The following MAP3K20 variants were observed in gnomAD, a reference collection of about 807,000 sequenced individuals.
The protein encoded by MAP3K20 is mitogen-activated protein kinase kinase kinase 20.
In MAP3K20, 40 loss-of-function variants were observed where a neutral mutation model predicts 85.7. That is an observed-to-expected ratio of 0.47 (90% CI 0.36 to 0.61). MAP3K20 has a LOEUF of 0.61. Among genes scored for constraint, MAP3K20 ranks in the 20% least tolerant of loss-of-function variants. The pLI is 0.00. For missense variants in MAP3K20, 817 were observed against 961.7 expected (o/e 0.85, Z 1.99); for synonymous variants, 325 against 327.7 (o/e 0.99, Z 0.09).
At chr2:173,202,940 AAGTTAG>A (rs1645411637) in intron 8 of MAP3K20, among the ~76,000 whole-genome samples, 1 of 152,228 alleles carries the variant, frequency 6.6e-6, no homozygotes. Flanking sequence ...GTTTATTTGT[AAGTTAG>A]AGTTAGATTC....
intron 2 of MAP3K20, among the ~76,000 whole-genome samples, chr2:173,134,428 A>ATATATATATT (rs56330241): frequency 3.2e-4 from 1 of 3,158 alleles, no homozygotes; most frequent in African/African-American, 1.0e-3. Context: ...ATATATATAT[A>ATATATATATT]TTTTTTTTTT....
intron 2 of MAP3K20, among the ~76,000 whole-genome samples, chr2:173,100,779 C>A (rs984547205): frequency 6.6e-6 from 1 of 152,192 alleles, no homozygotes; most frequent in African/African-American, 2.4e-5. Context: ...CTGTGCAGTG[C>A]TTTAACATTG....
chr2:173,082,796 C>T (rs150572911), intron 1 of MAP3K20, among the ~76,000 whole-genome samples: 1,829 of 152,354 alleles, frequency 0.012, 23 homozygotes, highest in Middle Eastern at 0.024. Context: ...CACGCAGCGG[C>T]CTATGCCGTG....
At chr2:173,114,337 C>G (rs761406513) in intron 2 of MAP3K20, among the ~76,000 whole-genome samples, 17 of 152,280 alleles carry the variant, frequency 1.1e-4, no homozygotes, top group Middle Eastern at 3.4e-3. Context: ...CTTATCCATT[C>G]TGCAGTTCTG....
At chr2:173,247,572 A>G (rs1012585186) in intron 16 of MAP3K20, among the ~76,000 whole-genome samples, 1 of 152,232 alleles carries the variant, frequency 6.6e-6, no homozygotes, top group African/African-American at 2.4e-5. Context: ...GTATGCACAC[A>G]TGAATTTGTG....
intron 1 of MAP3K20, among the ~76,000 whole-genome samples, chr2:173,090,048 G>C (rs1437942218): frequency 6.6e-6 from 1 of 152,200 alleles, no homozygotes; most frequent in Non-Finnish European, 1.5e-5. Flanking sequence ...TGCAAGAATA[G>C]TATAAACCAC....
chr2:173,197,977 A>G (rs1329016948), intron 7 of MAP3K20, 49 bp from the exon 8 acceptor site: 1 of 1,555,738 alleles, frequency 6.4e-7, no homozygotes, highest in Admixed American at 1.8e-5. Context: ...AATATGTACC[A>G]AAAAATATAA....
chr2:173,247,856 G>A (rs1250838115), intron 16 of MAP3K20, among the ~76,000 whole-genome samples: 1 of 152,190 alleles, frequency 6.6e-6, no homozygotes, highest in Non-Finnish European at 1.5e-5. Context: ...ACATGAGGGT[G>A]AGAAAGTTTC....
At chr2:173,226,434 C>T (rs1314129773) in intron 11 of MAP3K20, 1 of 985,370 alleles carries the variant, frequency 1.0e-6, no homozygotes, top group Non-Finnish European at 1.2e-6. Context: ...TAATCAGGCA[C>T]CTTTTGCTGC....
At chr2:173,182,388 A>G (rs949600029) in intron 3 of MAP3K20, among the ~76,000 whole-genome samples, 1 of 152,196 alleles carries the variant, frequency 6.6e-6, no homozygotes, top group Admixed American at 6.5e-5. Flanking sequence ...CTTCATTTTT[A>G]AAGGATTTTT....
At position 173,229,739 on chromosome 2, in the gene MAP3K20, C is replaced by CTCTT. The variant is rs1684478330; in HGVS notation, c.1032+8_1032+11dup. The CTCTT allele has an allele frequency of 6.2e-7, 1 of 1,613,888 alleles. No homozygotes were observed. The highest frequency in any genetic ancestry group is 1.3e-5 in the African/African-American group (1 of 74,884). On this transcript the variant is annotated splice_region_variant and intron_variant, in intron 12 of 19. Transcript: ENST00000375213. Reference sequence around the variant, plus strand: ...CATGGACGGAAGACGATGTGGTAAGCTCTTTGTATTCATGCCTTATTTGAC... The same window carrying CTCTT: ...CATGGACGGAAGACGATGTGGTAAGCTCTTTCTTTGTATTCATGCCTTATTTGAC...
intron 2 of MAP3K20, among the ~76,000 whole-genome samples, chr2:173,140,357 T>A (rs1405481645): frequency 6.7e-6 from 1 of 150,282 alleles, no homozygotes; most frequent in Non-Finnish European, 1.5e-5. Context: ...CTTTCCAGAT[T>A]TTTTTTTTGA....
At chr2:173,150,950 G>T (rs1474956393) in intron 2 of MAP3K20, among the ~76,000 whole-genome samples, 3 of 152,200 alleles carry the variant, frequency 2.0e-5, no homozygotes, top group Non-Finnish European at 4.4e-5. Context: ...TTACATGGGA[G>T]TTTGGTCCTT....
chr2:173,241,020 C>T (rs1364105962), intron 16 of MAP3K20, among the ~76,000 whole-genome samples: 4 of 151,970 alleles, frequency 2.6e-5, no homozygotes, highest in South Asian at 2.1e-4. Flanking sequence ...CGCAGAAAGA[C>T]GGAAGCTAAA....
Position 173,162,510 on chromosome 2 carries a change from A to G in MAP3K20, c.160-7295A>G, listed in dbSNP as rs184928157. ...AGACCAGCCTGGCCAGCATGGTGAA[A>G]CCTCATCTGTACTAAAAATACAAAA... is the stretch of plus-strand genomic sequence containing the variant. On this transcript the variant is annotated intron_variant, in intron 2 of 19. Transcript: ENST00000375213. Among the ~76,000 whole-genome samples, 609 of 152,008 alleles carry G rather than the reference A, an allele frequency of 4.0e-3. 5 individuals carry two copies. The highest frequency in any genetic ancestry group is 0.014 in the African/African-American group (572 of 41,428).
chr2:173,238,387 A>G lies in MAP3K20; in HGVS notation c.1218A>G (p.Lys406=), dbSNP rs1214979463. 3.0e-5 allele frequency: 48 copies of G among 1,612,966 alleles called. No homozygotes were observed. Among genetic ancestry groups the G allele is most frequent in the Non-Finnish European group, 3.8e-5 (45 of 1,179,540 alleles). ...HIIHFKSAIE[K]LTHDYINLFH... is the part of the protein sequence containing the mutation. ...TTTTTTTACAGTCAGCCATTGAGAA[A>G]TTAACCCATGATTACATAAATTTGT... The change falls in exon 15 of 20, where the codon AAA becomes AAG. Residue 406 remains lysine, a synonymous_variant. Transcript: ENST00000375213.
chr2:173,173,524 C>T (rs1010457168), intron 3 of MAP3K20, among the ~76,000 whole-genome samples: 1 of 152,182 alleles, frequency 6.6e-6, no homozygotes, highest in Non-Finnish European at 1.5e-5. Context: ...CCCAAATTCT[C>T]ATTAAACCCA....
chr2:173,158,236 C>CTA (rs1574065678), intron 2 of MAP3K20, among the ~76,000 whole-genome samples: 1 of 152,108 alleles, frequency 6.6e-6, no homozygotes, highest in East Asian at 1.9e-4. Context: ...TACATGTTAG[C>CTA]TAGTATTATA....
chr2:173,251,052 A>G (rs1685031634), intron 16 of MAP3K20, among the ~76,000 whole-genome samples: 2 of 152,334 alleles, frequency 1.3e-5, no homozygotes, highest in Admixed American at 1.3e-4. Context: ...ATAGCAACGC[A>G]TATAAAGGAG....
Sources: allele counts gnomAD v4.1 joint callset (sites outside exome capture counted in the v4.1 genomes callset), GRCh38; gene constraint gnomAD v4.1.1; transcripts MANE v1.5; gene names NCBI Gene and HGNC (gene_info 2026-07-23, HGNC 2026-07-21).